Variants in PCDHAC2 observed in about 807,000 individuals in gnomAD.
PCDHAC2 encodes protocadherin alpha subfamily C, 2, also known as protocadherin alpha-C2.
A neutral mutation model predicts 63.3 loss-of-function variants in PCDHAC2; 24 were observed. That is an observed-to-expected ratio of 0.38 (90% CI 0.27 to 0.53). The LOEUF (loss-of-function observed/expected upper bound fraction) is 0.53. PCDHAC2 is among the 20% of genes least tolerant of loss of function. PCDHAC2 has a pLI of 0.81. For missense variants in PCDHAC2, 1,181 were observed against 1,275.2 expected, an observed-to-expected ratio of 0.93 and a Z score of 1.12; for synonymous variants, 569 against 529.4, an observed-to-expected ratio of 1.07 and a Z score of -1.03.
intron 3 of PCDHAC2, among the ~76,000 whole-genome samples, chr5:141,000,401 A>ATT (rs2097917579): frequency 1.3e-5 from 1 of 76,232 alleles, no homozygotes; most frequent in Non-Finnish European, 2.5e-5. Flanking sequence ...CTCTCTATAT[A>ATT]TATATATATA....
intron 3 of PCDHAC2, among the ~76,000 whole-genome samples, chr5:141,000,216 T>C (rs665221): frequency 1.3e-5 from 2 of 151,640 alleles, no homozygotes; most frequent in East Asian, 1.9e-4. Flanking sequence ...CATTATCAAA[T>C]GCCTGTGTGG....
chr5:140,967,870 G>A lies in PCDHAC2; in HGVS notation c.1104G>A (p.Thr368=), dbSNP rs782622860. 31 of 1,614,152 alleles carry A rather than the reference G, an allele frequency of 1.9e-5. No homozygotes were observed. Among genetic ancestry groups the A allele is most frequent in the Non-Finnish European group, 2.5e-5 (29 of 1,180,030 alleles). The change falls in exon 1 of 4, where the codon ACG becomes ACA. Residue 368 remains threonine, a synonymous_variant. Transcript: ENST00000289269. ...VNDNAPEVVL[T]DLYSPVPENA... ...ACAATGCCCCAGAGGTGGTGCTCAC[G>A]GACCTGTATAGCCCAGTGCCTGAGA...
At chr5:140,972,798 A>G (rs782291338) in intron 1 of PCDHAC2, among the ~76,000 whole-genome samples, 6 of 151,178 alleles carry the variant, frequency 4.0e-5, no homozygotes, top group Admixed American at 2.6e-4. Flanking sequence ...TGAGTAGCTG[A>G]GATTACAGGC....
intron 3 of PCDHAC2, among the ~76,000 whole-genome samples, chr5:141,003,397 C>T (rs370088269): frequency 2.0e-5 from 3 of 152,086 alleles, no homozygotes; most frequent in African/African-American, 4.8e-5. Flanking sequence ...CTGAAACCTC[C>T]GCCTCCCGGG....
chr5:140,994,988 A>G (rs781915746), intron 3 of PCDHAC2, among the ~76,000 whole-genome samples: 3 of 152,166 alleles, frequency 2.0e-5, no homozygotes, highest in Non-Finnish European at 4.4e-5. Flanking sequence ...ACCCACTAGA[A>G]GGTTAGTTGG....
At chr5:140,978,856 A>G (rs2096826512) in intron 1 of PCDHAC2, 93 bp from the exon 2 acceptor site, 1 of 1,589,052 alleles carries the variant, frequency 6.3e-7, no homozygotes, top group Non-Finnish European at 8.6e-7. Flanking sequence ...AGATGCCTGG[A>G]AATATTTAAG....
chr5:141,006,429 G>C (rs541690957), intron 3 of PCDHAC2, among the ~76,000 whole-genome samples: 7 of 152,004 alleles, frequency 4.6e-5, no homozygotes, highest in Non-Finnish European at 1.0e-4. Flanking sequence ...TAGCCAGGAT[G>C]GTCTCAATCT....
At chr5:140,998,095 CA>C (rs1482651958) in intron 3 of PCDHAC2, among the ~76,000 whole-genome samples, 1 of 152,106 alleles carries the variant, frequency 6.6e-6, no homozygotes, top group Non-Finnish European at 1.5e-5. Flanking sequence ...AATGCTAGAG[CA>C]AACAGAGGAG....
chr5:140,972,479 C>G (rs782631191), intron 1 of PCDHAC2, among the ~76,000 whole-genome samples: 1 of 151,994 alleles, frequency 6.6e-6, no homozygotes, highest in Non-Finnish European at 1.5e-5. Flanking sequence ...CAGCATTTAA[C>G]CCCAGACTCT....
chr5:140,992,418 A>G (rs2097510878), intron 3 of PCDHAC2, among the ~76,000 whole-genome samples: 1 of 152,164 alleles, frequency 6.6e-6, no homozygotes, highest in South Asian at 2.1e-4. Flanking sequence ...CCCCAGGTCT[A>G]AGAATATTGT....
rs782334415 is a variant in PCDHAC2 at position 141,009,744 on chromosome 5, A to T, written c.2831A>T (p.Lys944Ile). 8.1e-6 allele frequency: 13 copies of T among 1,614,028 alleles called. No homozygotes were observed. Among genetic ancestry groups the T allele is most frequent in the Non-Finnish European group, 1.1e-5 (13 of 1,180,034 alleles). The change falls in exon 4 of 4, where the codon AAA becomes ATA. Residue 944 changes from lysine (K) to isoleucine (I), a missense_variant. This residue lies in a region of PCDHAC2 where 968 missense variants were observed against 1,073.5 expected (regional missense o/e 0.90). Transcript: ENST00000289269. Reference protein sequence around the residue: ...KQSGPGELPDKFIIPGSPAII... With the variant: ...KQSGPGELPDIFIIPGSPAII... ...TCCGGTCCCGGTGAGTTGCCCGACA[A>T]ATTCATTATCCCAGGATCTCCTGCA...
In PCDHAC2 at chr5:140,969,225, C is replaced by T. The variant is rs782766938; in HGVS notation, c.2459C>T (p.Ser820Leu). 22 of 1,614,118 alleles carry T rather than the reference C, an allele frequency of 1.4e-5. No homozygotes were observed. Among genetic ancestry groups the T allele is most frequent in the East Asian group, 1.3e-4 (6 of 44,872 alleles). Reference sequence around the variant, plus strand: ...GGGGCCCAGACAGGACCAGGGCCTTCGGGAGCCCAAGCAGCAGTGACTGAC... The same window carrying T: ...GGGGCCCAGACAGGACCAGGGCCTTTGGGAGCCCAAGCAGCAGTGACTGAC... ...NTGAQTGPGP[S>L]GAQAAVTDSR... Residue 820 changes from serine to leucine, a missense_variant, in exon 1 of 4, where the codon TCG becomes TTG. Around this residue, in one of 3 missense-constraint regions of PCDHAC2, gnomAD observed 968 missense variants for 1,073.5 expected, o/e 0.90. Coordinates refer to ENST00000289269, the MANE Select transcript of PCDHAC2 (RefSeq NM_018899.6).
In PCDHAC2 at chr5:140,969,339, A is replaced by G. The variant is rs1563390643; in HGVS notation, c.2565+8A>G. On this transcript the variant is annotated splice_region_variant and intron_variant, in intron 1 of 3. Transcript: ENST00000289269. ...GCTGTTTCTCAAAATGAGGTGAGAC[A>G]GTGGTCAGGGGGTCTTCTACAAACT... 5 of 1,613,830 alleles carry G rather than the reference A, an allele frequency of 3.1e-6. No homozygotes were observed. The South Asian group carries it at 4.4e-5, about 14-fold the overall frequency.
intron 3 of PCDHAC2, among the ~76,000 whole-genome samples, chr5:141,007,672 A>G (rs782403242): frequency 6.6e-6 from 1 of 152,194 alleles, no homozygotes; most frequent in African/African-American, 2.4e-5. Context: ...TACAAAGACA[A>G]AAGTTATCCT....
At chr5:140,979,043 C>A (rs782371496) in intron 2 of PCDHAC2, 36 bp downstream of exon 2, 2 of 1,612,500 alleles carry the variant, frequency 1.2e-6, no homozygotes, top group Non-Finnish European at 1.7e-6. Context: ...CAGAAGTAAC[C>A]TTAACTTGGT....
chr5:140,994,665 A>G (rs555985538), intron 3 of PCDHAC2, among the ~76,000 whole-genome samples: 1 of 152,294 alleles, frequency 6.6e-6, no homozygotes, highest in East Asian at 1.9e-4. Flanking sequence ...AGATCACACT[A>G]CTGCACTCCA....
rs944732818 is a variant in PCDHAC2, at chr5:140,966,929, G to A, written c.163G>A (p.Gly55Ser). The change falls in exon 1 of 4, where the codon GGC (glycine) becomes AGC (serine). Residue 55 changes from glycine to serine, a missense_variant. Coordinates refer to ENST00000289269, the MANE Select transcript of PCDHAC2 (RefSeq NM_018899.6). ...RYSVPEEQAPGALVGNVARAL... is the reference protein window; with the variant it reads ...RYSVPEEQAPSALVGNVARAL... Reference sequence around the variant, plus strand: ...CTCTGTGCCAGAGGAGCAGGCACCCGGCGCGCTCGTGGGCAACGTGGCTCG... The same window carrying A: ...CTCTGTGCCAGAGGAGCAGGCACCCAGCGCGCTCGTGGGCAACGTGGCTCG... 1.2e-6 allele frequency: 2 copies of A among 1,603,460 alleles called. No individual in the cohort carries two copies. Among genetic ancestry groups the A allele is most frequent in the African/African-American group, 1.3e-5 (1 of 74,822 alleles).
At chr5:140,971,752 A>C (rs1367685618) in intron 1 of PCDHAC2, among the ~76,000 whole-genome samples, 2 of 138,248 alleles carry the variant, frequency 1.4e-5, no homozygotes, top group Non-Finnish European at 3.3e-5. Context: ...TATATCTCAT[A>C]TTACTGAATC....
At position 140,991,361 on chromosome 5, in the gene PCDHAC2, G is replaced by A. The variant is rs1183124741; in HGVS notation, c.2713+8798G>A. On this transcript the variant is annotated intron_variant, in intron 3 of 3. Transcript: ENST00000289269. ...GGTAACTTGGAAAAGACTATTTACT[G>A]TCTGAGTTCTAGGCCAACTGTAGGG... Among the ~76,000 whole-genome samples, 3 of 152,200 alleles carry A rather than the reference G, an allele frequency of 2.0e-5. No individual in the cohort carries two copies. In the East Asian group the frequency reaches 5.8e-4, roughly 29 times the overall value.
Sources: allele counts gnomAD v4.1 joint callset (sites outside exome capture counted in the v4.1 genomes callset), GRCh38; gene constraint gnomAD v4.1.1; regional missense constraint gnomAD v4.1.1; transcripts MANE v1.5; gene names NCBI Gene and HGNC (gene_info 2026-07-23, HGNC 2026-07-21).